Variants in GREM1 observed in about 807,000 individuals in gnomAD.
GREM1 encodes the protein gremlin-1.
A neutral mutation model predicts 13.1 loss-of-function variants in GREM1; 6 were observed. The observed-to-expected ratio is 0.46, with a 90% CI of 0.25 to 0.91. The LOEUF (loss-of-function observed/expected upper bound fraction) is 0.91, where lower values mean the gene tolerates loss of function less well. Among genes scored for constraint, GREM1 ranks in the 40% least tolerant of loss-of-function variants. The pLI, the probability that GREM1 is intolerant of heterozygous loss-of-function variation, is 0.18. For synonymous variants in GREM1, 98 were observed against 93.7 expected (o/e 1.05, Z -0.27); for missense variants, 185 against 233.9 (o/e 0.79, Z 1.36).
intron 1 of GREM1, among the ~76,000 whole-genome samples, chr15:32,721,046 C>T (rs1227247631): frequency 3.9e-5 from 6 of 152,192 alleles, no homozygotes; most frequent in African/African-American, 1.4e-4. Flanking sequence ...ATCCCAGCTA[C>T]TTGGGAGGCT....
At chr15:32,730,131 G>A (rs769725138) in intron 1 of GREM1, among the ~76,000 whole-genome samples, 4 of 152,170 alleles carry the variant, frequency 2.6e-5, no homozygotes, top group Non-Finnish European at 4.4e-5. Flanking sequence ...CACCAGGAGC[G>A]CGACCTTTCC....
rs2055750053 is a variant in GREM1 at position 32,740,324 on chromosome 15, C to T, written c.*9079C>T. The T allele has an allele frequency of 1.3e-5, 2 of 152,102 alleles. No homozygotes were observed. The highest frequency in any genetic ancestry group is 1.3e-4 in the Admixed American group (2 of 15,278). The allele number at this position is 152,102 out of a possible 1,614,324, so 9.4% of individuals were successfully genotyped here. On this transcript the variant is annotated 3_prime_UTR_variant, in exon 2 of 2. Coordinates refer to ENST00000651154, the MANE Select transcript of GREM1 (RefSeq NM_013372.7). The stretch of plus-strand genomic sequence containing the variant: ...TTACCTGACAGAGAATTCAGAATAG[C>T]TCTCATAAAGATTCTCACCAGAGTC...
Position 32,731,341 on chromosome 15 carries a change from GC to G in GREM1, c.*98del. ...ATTCTTACTTGGCTTAAACCTAGAG[GC>G]CAGAAGAACCCCCAGCTGCCTCCTG... On this transcript the variant is annotated 3_prime_UTR_variant, in exon 2 of 2. Coordinates refer to ENST00000651154, the MANE Select transcript of GREM1 (RefSeq NM_013372.7). The G allele has an allele frequency of 1.0e-6, 1 of 986,266 alleles. No homozygotes were observed. The highest frequency in any genetic ancestry group is 1.5e-6 in the Non-Finnish European group (1 of 660,070). 61.1% of individuals were successfully genotyped at this position (986,266 alleles called of 1,614,324 possible).
intron 1 of GREM1, among the ~76,000 whole-genome samples, chr15:32,726,018 C>T (rs565708888): frequency 6.6e-5 from 10 of 152,228 alleles, no homozygotes; most frequent in Middle Eastern, 3.4e-3. Flanking sequence ...ATACCAGTAC[C>T]GTGCTGTTTT....
intron 1 of GREM1, among the ~76,000 whole-genome samples, chr15:32,721,023 G>C (rs2055397330): frequency 6.6e-6 from 1 of 152,204 alleles, no homozygotes; most frequent in African/African-American, 2.4e-5. Context: ...AGGCATGGTG[G>C]TGCATGCCTG....
At chr15:32,728,721 A>G (rs1295194723) in intron 1 of GREM1, among the ~76,000 whole-genome samples, 1 of 152,200 alleles carries the variant, frequency 6.6e-6, no homozygotes, top group Admixed American at 6.5e-5. Context: ...AGAGAGAAGG[A>G]AAATGTTTGC....
chr15:32,736,824 T>C lies in GREM1; in HGVS notation c.*5579T>C, dbSNP rs2055703093. 1 of 152,208 alleles carries C rather than the reference T, an allele frequency of 6.6e-6. No individual in the cohort carries two copies. The highest frequency in any genetic ancestry group is 2.1e-4 in the South Asian group (1 of 4,836). 9.4% of individuals were successfully genotyped at this position (152,208 alleles called of 1,614,324 possible). ...GTGGGAATCCTCATCCAAGTCATAC[T>C]TTCTAAACATCATAAAAAGCCCAAA... On this transcript the variant is annotated 3_prime_UTR_variant, in exon 2 of 2. Transcript: ENST00000651154.
At chr15:32,718,543 A>G (rs1381436422) in intron 1 of GREM1, 1 of 447,054 alleles carries the variant, frequency 2.2e-6, no homozygotes, top group South Asian at 1.6e-5. Flanking sequence ...GAGCATCCGG[A>G]CCTGCTAGTC....
Position 32,733,091 on chromosome 15 carries a change from C to T in GREM1, c.*1846C>T, listed in dbSNP as rs2140696657. 4.3e-6 allele frequency: 1 copy of T among 231,936 alleles called. No homozygotes were observed. The highest frequency in any genetic ancestry group is 1.9e-4 in the South Asian group (1 of 5,372). 14.4% of individuals were successfully genotyped at this position (231,936 alleles called of 1,614,324 possible). A position where few individuals can be genotyped will look rare whatever the true frequency, so the allele number is the denominator to read the frequency against. ...CAAGGCGGGAGATATTTTAAACACC[C>T]AAAATGTTGGGTCTGATTTTCAAAC... On this transcript the variant is annotated 3_prime_UTR_variant, in exon 2 of 2. Coordinates refer to ENST00000651154, the MANE Select transcript of GREM1 (RefSeq NM_013372.7).
chr15:32,731,167 T>C lies in GREM1; in HGVS notation c.477T>C (p.Pro159=). 6 of 1,614,148 alleles carry C rather than the reference T, an allele frequency of 3.7e-6. No individual in the cohort carries two copies. Among genetic ancestry groups the C allele is most frequent in the Non-Finnish European group, 5.1e-6 (6 of 1,180,008 alleles). Reference sequence around the variant, plus strand: ...CCATGATGGTCACACTCAACTGCCCTGAACTACAGCCACCTACCAAGAAGA... The same window carrying C: ...CCATGATGGTCACACTCAACTGCCCCGAACTACAGCCACCTACCAAGAAGA... The part of the protein sequence containing the change: ...FTTMMVTLNC[P]ELQPPTKKKR... Residue 159 remains proline (P), a synonymous_variant, in exon 2 of 2, where the codon CCT becomes CCC. Transcript: ENST00000651154.
chr15:32,734,319 T>C lies in GREM1; in HGVS notation c.*3074T>C, dbSNP rs1462588532. On this transcript the variant is annotated 3_prime_UTR_variant, in exon 2 of 2. Coordinates refer to ENST00000651154, the MANE Select transcript of GREM1 (RefSeq NM_013372.7). ...CAGATAATGATGACTAGTTCACACA[T>C]AAAGTCCTTTTAAGGAGAAAATCTA... 1 of 245,974 alleles carries C rather than the reference T, an allele frequency of 4.1e-6. No individual in the cohort carries two copies. Among genetic ancestry groups the C allele is most frequent in the Non-Finnish European group, 8.6e-6 (1 of 116,882 alleles). 15.2% of individuals were successfully genotyped at this position (245,974 alleles called of 1,614,324 possible).
At position 32,741,483 on chromosome 15, in the gene GREM1, A is replaced by G. The variant is rs1018671595; in HGVS notation, c.*10238A>G. The G allele has an allele frequency of 6.6e-6, 1 of 151,418 alleles. No homozygotes were observed. The highest frequency in any genetic ancestry group is 1.5e-5 in the Non-Finnish European group (1 of 67,868). 9.4% of individuals were successfully genotyped at this position (151,418 alleles called of 1,614,324 possible). A position where few individuals can be genotyped will look rare whatever the true frequency, so the allele number is the denominator to read the frequency against. On this transcript the variant is annotated 3_prime_UTR_variant, in exon 2 of 2. Transcript: ENST00000651154. ...TCCTAATTTTTGTTTAAGATAGTTC[A>G]TCGTTGGTATAGAAATGCCATTGAT... is the stretch of plus-strand genomic sequence containing the variant.
At position 32,732,301 on chromosome 15, in the gene GREM1, A is replaced by G. The variant is rs112753078; in HGVS notation, c.*1056A>G. 1.0e-4 allele frequency: 25 copies of G among 238,624 alleles called. No individual in the cohort carries two copies. Among genetic ancestry groups the G allele is most frequent in the Non-Finnish European group, 2.0e-4 (22 of 112,242 alleles). The allele number at this position is 238,624 out of a possible 1,614,324, so 14.8% of individuals were successfully genotyped here. ...CCTTTCCTTTATCGTGGTTATAGTC[A>G]GCTCATTTCCATTCCACTATTTCCC... is the stretch of plus-strand genomic sequence containing the variant. On this transcript the variant is annotated 3_prime_UTR_variant, in exon 2 of 2. Transcript: ENST00000651154.
intron 1 of GREM1, chr15:32,718,412 C>T (rs552022379): frequency 2.1e-6 from 1 of 481,418 alleles, no homozygotes; most frequent in African/African-American, 2.0e-5. Flanking sequence ...GGCAGGATGA[C>T]CCCCACATCC....
chr15:32,734,315 C>T lies in GREM1; in HGVS notation c.*3070C>T, dbSNP rs2055669091. 2.0e-5 allele frequency: 5 copies of T among 245,828 alleles called. No individual in the cohort carries two copies. Among genetic ancestry groups the T allele is most frequent in the Non-Finnish European group, 8.6e-6 (1 of 116,826 alleles). The allele number at this position is 245,828 out of a possible 1,614,324, so 15.2% of individuals were successfully genotyped here. A position where few individuals can be genotyped will look rare whatever the true frequency, so the allele number is the denominator to read the frequency against. Reference sequence around the variant, plus strand: ...ATAGCAGATAATGATGACTAGTTCACACATAAAGTCCTTTTAAGGAGAAAA... The same window carrying T: ...ATAGCAGATAATGATGACTAGTTCATACATAAAGTCCTTTTAAGGAGAAAA... On this transcript the variant is annotated 3_prime_UTR_variant, in exon 2 of 2. Transcript: ENST00000651154.
intron 1 of GREM1, among the ~76,000 whole-genome samples, chr15:32,720,983 C>A (rs1219552770): frequency 6.6e-6 from 1 of 152,156 alleles, no homozygotes; most frequent in Non-Finnish European, 1.5e-5. Flanking sequence ...ATGGAAAAAT[C>A]CCGTCTCTAC....
intron 1 of GREM1, among the ~76,000 whole-genome samples, chr15:32,725,212 C>G (rs910630319): frequency 2.6e-5 from 4 of 152,192 alleles, no homozygotes; most frequent in East Asian, 1.9e-4. Flanking sequence ...AATTGCCACA[C>G]TGTCTTCCAC....
Position 32,730,620 on chromosome 15 carries a change from A to G in GREM1, c.-1-70A>G, listed in dbSNP as rs1258348977. On this transcript the variant is annotated intron_variant, in intron 1 of 1. Transcript: ENST00000651154. ...ACGGTGCGTTTAAATGCTAGGTGCT[A>G]TTATTATTAATTTTTAAATTAACTT... is the stretch of plus-strand genomic sequence containing the variant. 7 of 1,009,826 alleles carry G rather than the reference A, an allele frequency of 6.9e-6. No individual in the cohort carries two copies. In the Admixed American group the frequency reaches 1.8e-4, roughly 26 times the overall value. The allele number at this position is 1,009,826 out of a possible 1,614,324, so 62.6% of individuals were successfully genotyped here. A position where few individuals can be genotyped will look rare whatever the true frequency, so the allele number is the denominator to read the frequency against.
intron 1 of GREM1, 61 bp downstream of exon 1, chr15:32,718,222 A>C: frequency 1.3e-5 from 16 of 1,229,158 alleles, no homozygotes; most frequent in Non-Finnish European, 1.6e-5. Flanking sequence ...CCGCAAACCA[A>C]CCCAGGACCC....
Sources: gnomAD v4.1 joint callset for allele counts (sites outside exome capture counted in the v4.1 genomes callset) on GRCh38, gnomAD v4.1.1 for gene constraint, MANE v1.5 for transcripts, NCBI Gene and HGNC (gene_info 2026-07-23, HGNC 2026-07-21) for gene names.